Variants in LAMA2 observed in about 807,000 individuals in gnomAD.
The protein encoded by LAMA2 is laminin subunit alpha 2.
In LAMA2, 269 loss-of-function variants were observed where a neutral mutation model predicts 364.8. The ratio of observed to expected loss-of-function variants is 0.74; its 90% CI spans 0.67 to 0.82. The LOEUF (loss-of-function observed/expected upper bound fraction) is 0.82, where lower values mean the gene tolerates loss of function less well. LAMA2 is among the 40% of genes least tolerant of loss of function. The probability of loss-of-function intolerance (pLI) is 0.00; values close to 1 mark genes in which losing one functional copy is unlikely to be tolerated. For synonymous variants in LAMA2, 1,379 were observed against 1,370.6 expected (o/e 1.01, Z -0.14); for missense variants, 3,807 against 3,873.2 (o/e 0.98, Z 0.45).
chr6:129,169,189 C>T lies in LAMA2; in HGVS notation c.1306+3514C>T, dbSNP rs1458106463. 2.7e-5 allele frequency among the ~76,000 whole-genome samples: 4 copies of T among 149,998 alleles called. No homozygotes were observed. The East Asian group carries it at 7.8e-4, about 29-fold the overall frequency. On this transcript the variant is annotated intron_variant, in intron 9 of 64. Transcript: ENST00000421865. ...GCCTAATTGCCCTGGCCAGAACTTC[C>T]AACACTATGTTGAATAGGAGCGGTG...
At chr6:129,169,422 T>C (rs1779987202) in intron 9 of LAMA2, among the ~76,000 whole-genome samples, 1 of 148,024 alleles carries the variant, frequency 6.8e-6, no homozygotes, top group African/African-American at 2.5e-5. Flanking sequence ...GAGATAATCA[T>C]GTGGTTTTTG....
rs192322344 is a variant in LAMA2 at position 129,417,128 on chromosome 6, A to T, written c.5866-10624A>T. 5.3e-3 allele frequency among the ~76,000 whole-genome samples: 803 copies of T among 152,182 alleles called. 12 individuals are homozygous for T. Among genetic ancestry groups the T allele is most frequent in the East Asian group, 0.022 (113 of 5,170 alleles). On this transcript the variant is annotated intron_variant, in intron 40 of 64. Transcript: ENST00000421865. ...TGAGCTGGGGAAGGGGGTGTGTTTC[A>T]ACCCTGTTTGTGTTGTAGCTCTCTC...
chr6:129,098,122 G>A, intron 3 of LAMA2, 51 bp from the exon 4 acceptor site: 1 of 1,579,320 alleles, frequency 6.3e-7, no homozygotes, highest in Non-Finnish European at 8.7e-7. Flanking sequence ...GACATAAAAT[G>A]ATGAGAATAT....
chr6:129,206,663 C>A (rs990072904), intron 12 of LAMA2, among the ~76,000 whole-genome samples: 2 of 152,186 alleles, frequency 1.3e-5, no homozygotes, highest in Non-Finnish European at 2.9e-5. Context: ...GTCTTCTCAT[C>A]ACTTCCAACA....
chr6:129,278,435 A>G (rs1474884884), intron 17 of LAMA2, among the ~76,000 whole-genome samples: 2 of 152,232 alleles, frequency 1.3e-5, no homozygotes, highest in Non-Finnish European at 2.9e-5. Flanking sequence ...TATATGCTAC[A>G]GAGATGCAGT....
At position 129,373,140 on chromosome 6, in the gene LAMA2, G is replaced by A. The variant is rs527784122; in HGVS notation, c.4959+3150G>A. Among the ~76,000 whole-genome samples the A allele has an allele frequency of 4.7e-3, 713 of 152,170 alleles. 6 individuals carry two copies. The highest frequency in any genetic ancestry group is 0.017 in the African/African-American group (689 of 41,528). The stretch of plus-strand genomic sequence containing the variant: ...CAGAGCAGAAGTTTTTAATTGTAAC[G>A]AAGCCCAGCTTATCAATTAGGTTTC... On this transcript the variant is annotated intron_variant, in intron 34 of 64. Transcript: ENST00000421865.
rs545199894 is a variant in LAMA2, at chr6:129,227,159, C to T, written c.1783-22953C>T. On this transcript the variant is annotated intron_variant, in intron 12 of 64. Coordinates refer to ENST00000421865, the MANE Select transcript of LAMA2 (RefSeq NM_000426.4). ...GCTTGTGCATTTGTCAGGTACTTCT[C>T]GTGCCATAGTTTTCAGCTCCATCAG... Among the ~76,000 whole-genome samples the T allele has an allele frequency of 9.9e-5, 15 of 152,276 alleles. No homozygotes were observed. The East Asian group carries it at 1.7e-3, about 18-fold the overall frequency.
chr6:129,155,266 T>C (rs1235509643), intron 8 of LAMA2, among the ~76,000 whole-genome samples: 1 of 152,164 alleles, frequency 6.6e-6, no homozygotes, highest in Non-Finnish European at 1.5e-5. Flanking sequence ...ATAGAAAGCT[T>C]TTTTCATAGG....
intron 1 of LAMA2, among the ~76,000 whole-genome samples, chr6:128,911,217 C>T (rs1252220886): frequency 6.6e-6 from 1 of 152,134 alleles, no homozygotes; most frequent in African/African-American, 2.4e-5. Flanking sequence ...TGGGCAATGG[C>T]AGACGCCCCT....
At chr6:129,497,526 C>A (rs541225187) in intron 58 of LAMA2, among the ~76,000 whole-genome samples, 30 of 152,324 alleles carry the variant, frequency 2.0e-4, no homozygotes, top group African/African-American at 6.7e-4. Context: ...TAAGCCACCA[C>A]GCCTGGCCCA....
intron 18 of LAMA2, among the ~76,000 whole-genome samples, chr6:129,284,517 G>C (rs1788959421): frequency 6.6e-6 from 1 of 152,070 alleles, no homozygotes; most frequent in Admixed American, 6.6e-5. Context: ...GTGCTCAGCT[G>C]ATTTTTTTTA....
chr6:129,388,213 G>A (rs528923598), intron 35 of LAMA2, among the ~76,000 whole-genome samples: 205 of 149,662 alleles, frequency 1.4e-3, no homozygotes, highest in Non-Finnish European at 2.1e-3. Context: ...CAGAAATTGT[G>A]CCACTGCACT....
chr6:128,892,247 G>T (rs1051965947), intron 1 of LAMA2, among the ~76,000 whole-genome samples: 2 of 151,910 alleles, frequency 1.3e-5, no homozygotes, highest in African/African-American at 4.8e-5. Context: ...TTCTGTCGAG[G>T]TTACACAGCA....
At chr6:128,954,982 C>CA (rs368505869) in intron 1 of LAMA2, among the ~76,000 whole-genome samples, 16,592 of 141,936 alleles carry the variant, frequency 0.12, 970 homozygotes, top group African/African-American at 0.16. Flanking sequence ...CAGGTGTGAG[C>CA]AAAAAAAAAA....
In LAMA2 at chr6:128,956,840, G is replaced by A. The variant is rs141565457; in HGVS notation, c.112+73483G>A. On this transcript the variant is annotated intron_variant, in intron 1 of 64. Coordinates refer to ENST00000421865, the MANE Select transcript of LAMA2 (RefSeq NM_000426.4). Reference sequence around the variant, plus strand: ...TTTTTTTTAAAGGAACACCAAAATCGAATGATGGTATGATGGATTTTATGT... The same window carrying A: ...TTTTTTTTAAAGGAACACCAAAATCAAATGATGGTATGATGGATTTTATGT... 5.9e-4 allele frequency among the ~76,000 whole-genome samples: 89 copies of A among 151,948 alleles called. 2 individuals are homozygous for A. The highest frequency in any genetic ancestry group is 2.1e-3 in the African/African-American group (87 of 41,460).
chr6:129,353,167 T>C lies in LAMA2; in HGVS notation c.4527T>C (p.Cys1509=), dbSNP rs377192243. ...RGYEGQYCER[C]APGYTGSPGN... is the part of the protein sequence containing the mutation. ...CTTTGTCACTGTTTCAATTCAGGTGTGCCCCTGGCTATACTGGCAGTCCAG... is the reference window on the plus strand; with the variant it reads ...CTTTGTCACTGTTTCAATTCAGGTGCGCCCCTGGCTATACTGGCAGTCCAG... The change falls in exon 32 of 65, where the codon TGT becomes TGC. Residue 1509 remains cysteine, a synonymous_variant. Transcript: ENST00000421865. 53 of 1,612,318 alleles carry C rather than the reference T, an allele frequency of 3.3e-5. No homozygotes were observed. The highest frequency in any genetic ancestry group is 3.4e-6 in the Non-Finnish European group (4 of 1,178,694).
At chr6:129,018,474 G>C (rs1366562250) in intron 1 of LAMA2, among the ~76,000 whole-genome samples, 1 of 151,152 alleles carries the variant, frequency 6.6e-6, no homozygotes, top group Non-Finnish European at 1.5e-5. Context: ...TATGAAATGA[G>C]GTTTCTTCAA....
intron 1 of LAMA2, among the ~76,000 whole-genome samples, chr6:128,890,110 C>G (rs1345305079): frequency 6.6e-6 from 1 of 152,072 alleles, no homozygotes; most frequent in Non-Finnish European, 1.5e-5. Context: ...TCAACTGACC[C>G]CCGAACTGTG....
intron 4 of LAMA2, among the ~76,000 whole-genome samples, chr6:129,133,588 A>G (rs1777613770): frequency 6.6e-6 from 1 of 152,202 alleles, no homozygotes; most frequent in Admixed American, 6.5e-5. Flanking sequence ...TTGCATACAC[A>G]CAATGTTAAG....
Sources: gnomAD v4.1 joint callset for allele counts (sites outside exome capture counted in the v4.1 genomes callset) on GRCh38, gnomAD v4.1.1 for gene constraint, MANE v1.5 for transcripts, NCBI Gene and HGNC (gene_info 2026-07-23, HGNC 2026-07-21) for gene names.